Variants in IMMP2L observed in about 807,000 individuals in gnomAD.
IMMP2L encodes inner mitochondrial membrane peptidase subunit 2.
A neutral mutation model predicts 19.3 loss-of-function variants in IMMP2L; 18 were observed. That is an observed-to-expected ratio of 0.93 (90% CI 0.64 to 1.38). The LOEUF (loss-of-function observed/expected upper bound fraction) is 1.38. IMMP2L is among the 40% of genes most tolerant of loss of function. The pLI, the probability that IMMP2L is intolerant of heterozygous loss-of-function variation, is 0.00. For synonymous variants in IMMP2L, 76 were observed against 73.0 expected (o/e 1.04, Z -0.21); for missense variants, 233 against 218.2 (o/e 1.07, Z -0.43).
At chr7:110,889,223 C>G (rs1287595670) in intron 4 of IMMP2L, among the ~76,000 whole-genome samples, 1 of 152,118 alleles carries the variant, frequency 6.6e-6, no homozygotes, top group Non-Finnish European at 1.5e-5. Flanking sequence ...TGGCATGATT[C>G]AAGCACATTA....
rs184105162 is a variant in IMMP2L, at chr7:111,538,579, A to G, written c.-2-17130T>C. On this transcript the variant is annotated intron_variant, in intron 1 of 5. Transcript: ENST00000405709. ...CTTTGGAGGCCAAGGCAGGAGGATC[A>G]CTTGAGCTCAGGAGTTTGAAACCAA... 5.5e-4 allele frequency among the ~76,000 whole-genome samples: 83 copies of G among 150,344 alleles called. 2 individuals are homozygous for G. The highest frequency in any genetic ancestry group is 1.9e-3 in the African/African-American group (77 of 40,618).
intron 3 of IMMP2L, among the ~76,000 whole-genome samples, chr7:111,205,121 C>A (rs1299063352): frequency 6.6e-6 from 1 of 152,134 alleles, no homozygotes; most frequent in South Asian, 2.1e-4. Flanking sequence ...ACACAAGGGA[C>A]AACACTGTGT....
At chr7:110,980,460 C>G (rs556812678) in intron 3 of IMMP2L, among the ~76,000 whole-genome samples, 1 of 151,910 alleles carries the variant, frequency 6.6e-6, no homozygotes, top group Non-Finnish European at 1.5e-5. Context: ...TCGTGATCCG[C>G]CCGCCTCGGC....
chr7:110,748,316 T>A (rs895933398), intron 5 of IMMP2L, among the ~76,000 whole-genome samples: 13 of 152,104 alleles, frequency 8.5e-5, no homozygotes, highest in Non-Finnish European at 1.5e-4. Context: ...AAAATGGCCA[T>A]ACTGCCCTAA....
chr7:111,356,864 T>C (rs1167632584), intron 3 of IMMP2L, among the ~76,000 whole-genome samples: 2 of 151,978 alleles, frequency 1.3e-5, no homozygotes. Context: ...CTATCTCCAC[T>C]AAAAATACAA....
chr7:111,307,424 A>G (rs1371007950), intron 3 of IMMP2L, among the ~76,000 whole-genome samples: 1 of 151,828 alleles, frequency 6.6e-6, no homozygotes, highest in Non-Finnish European at 1.5e-5. Context: ...TTTGCACTAA[A>G]CATGCTTATG....
intron 5 of IMMP2L, among the ~76,000 whole-genome samples, chr7:110,781,873 A>C (rs1175728156): frequency 6.6e-6 from 1 of 151,976 alleles, no homozygotes; most frequent in Non-Finnish European, 1.5e-5. Context: ...GTGATATGCT[A>C]TACAGCTCTT....
chr7:110,813,358 G>C (rs1477342734), intron 5 of IMMP2L, among the ~76,000 whole-genome samples: 1 of 151,258 alleles, frequency 6.6e-6, no homozygotes, highest in East Asian at 1.9e-4. Context: ...CTTCAGGTCT[G>C]TTTTGGGTAT....
At chr7:111,152,800 T>G (rs1006086181) in intron 3 of IMMP2L, among the ~76,000 whole-genome samples, 1 of 152,180 alleles carries the variant, frequency 6.6e-6, no homozygotes, top group Admixed American at 6.5e-5. Context: ...TCACTTTCTC[T>G]TTTTAAATTA....
chr7:111,466,178 G>T (rs944824675), intron 3 of IMMP2L, among the ~76,000 whole-genome samples: 1 of 152,086 alleles, frequency 6.6e-6, no homozygotes, highest in Non-Finnish European at 1.5e-5. Flanking sequence ...CCTGTTGTGG[G>T]GTGGAGGGAG....
chr7:110,824,090 A>C (rs1803258505), intron 5 of IMMP2L, among the ~76,000 whole-genome samples: 1 of 152,228 alleles, frequency 6.6e-6, no homozygotes, highest in African/African-American at 2.4e-5. Flanking sequence ...CATTATAAAC[A>C]TTCTCTATAG....
intron 3 of IMMP2L, among the ~76,000 whole-genome samples, chr7:111,423,146 C>T (rs530682469): frequency 1.6e-4 from 25 of 151,768 alleles, no homozygotes; most frequent in Non-Finnish European, 3.5e-4. Context: ...ATTTCTGCAT[C>T]GATTTTCATC....
chr7:111,223,475 C>A (rs1440837250), intron 3 of IMMP2L, among the ~76,000 whole-genome samples: 1 of 151,942 alleles, frequency 6.6e-6, no homozygotes, highest in Non-Finnish European at 1.5e-5. Context: ...AAAGGAATAC[C>A]ACAAAGAAAT....
intron 3 of IMMP2L, among the ~76,000 whole-genome samples, chr7:111,051,668 G>C (rs912959022): frequency 4.6e-5 from 7 of 152,026 alleles, no homozygotes; most frequent in Admixed American, 1.3e-4. Context: ...AACAAAAAAT[G>C]GATTCATTCT....
chr7:111,369,260 C>T (rs1371177742), intron 3 of IMMP2L, among the ~76,000 whole-genome samples: 2 of 151,804 alleles, frequency 1.3e-5, no homozygotes, highest in Admixed American at 6.6e-5. Flanking sequence ...AATAGCATTA[C>T]GTTTGTAAGA....
At chr7:111,121,123 C>A (rs544348980) in intron 3 of IMMP2L, among the ~76,000 whole-genome samples, 7 of 152,244 alleles carry the variant, frequency 4.6e-5, no homozygotes, top group Admixed American at 2.0e-4. Flanking sequence ...AACCTTTTAA[C>A]GATTAAATTT....
intron 5 of IMMP2L, among the ~76,000 whole-genome samples, chr7:110,705,481 T>C (rs1025211333): frequency 2.0e-5 from 3 of 152,180 alleles, no homozygotes; most frequent in Non-Finnish European, 4.4e-5. Flanking sequence ...TAAAAGATTA[T>C]ATGAAACGTC....
At chr7:111,418,832 T>C (rs1237270128) in intron 3 of IMMP2L, among the ~76,000 whole-genome samples, 1 of 151,892 alleles carries the variant, frequency 6.6e-6, no homozygotes, top group African/African-American at 2.4e-5. Context: ...ATGAAAATTA[T>C]ATTTGTACAC....
At chr7:111,487,826 C>T (rs960057571) in intron 2 of IMMP2L, among the ~76,000 whole-genome samples, 1 of 152,116 alleles carries the variant, frequency 6.6e-6, no homozygotes, top group African/African-American at 2.4e-5. Flanking sequence ...GATAGGATTA[C>T]CATTATAAAA....
Sources: gnomAD v4.1 joint callset for allele counts (sites outside exome capture counted in the v4.1 genomes callset) on GRCh38, gnomAD v4.1.1 for gene constraint, MANE v1.5 for transcripts, NCBI Gene and HGNC (gene_info 2026-07-23, HGNC 2026-07-21) for gene names.